SMARCC2: variants seen among roughly 807,000 people sequenced by gnomAD.
SMARCC2 encodes the protein SWI/SNF complex subunit SMARCC2.
A neutral mutation model predicts 151.3 loss-of-function variants in SMARCC2; 15 were observed. The observed-to-expected ratio is 0.10, with a 90% confidence interval of 0.07 to 0.15. The LOEUF (loss-of-function observed/expected upper bound fraction) is 0.15. Ranked by LOEUF, SMARCC2 falls within the 10% of genes least tolerant of loss-of-function variation. The pLI, the probability that SMARCC2 is intolerant of heterozygous loss-of-function variation, is 1.00. For synonymous variants in SMARCC2, 590 were observed against 609.5 expected (o/e 0.97, Z 0.47); for missense variants, 1,031 against 1,599.7 (o/e 0.64, Z 6.06).
rs745447922 is a variant in SMARCC2, at chr12:56,172,444, G to A, written c.1910C>T (p.Thr637Ile). ...SATREWTEQE[T>I]LLLLEALEMY... The stretch of plus-strand genomic sequence containing the variant: ...CCCAATTACCTCCAGGAGAAGCAGG[G>A]TTTCCTGTTCTGTCCACTCACGAGT... Residue 637 changes from threonine (T) to isoleucine (I), a missense_variant, in exon 20 of 29, where the codon ACC (threonine) becomes ATC (isoleucine). By Grantham distance (89) the Thr-to-Ile change is moderately conservative. Around this residue, in one of 12 missense-constraint regions of SMARCC2, gnomAD observed 51 missense variants for 137.9 expected, o/e 0.37. Coordinates refer to ENST00000550164, the MANE Select transcript of SMARCC2 (RefSeq NM_001330288.2). 6.4e-7 allele frequency: 1 copy of A among 1,574,434 alleles called. No homozygotes were observed. The highest frequency in any genetic ancestry group is 8.6e-7 in the Non-Finnish European group (1 of 1,161,924).
chr12:56,167,348 C>CAAATAAAT (rs577110686), intron 26 of SMARCC2, among the ~76,000 whole-genome samples: 3 of 151,894 alleles, frequency 2.0e-5, no homozygotes, highest in South Asian at 4.2e-4. Flanking sequence ...AACTCTGTCT[C>CAAATAAAT]AAATAAATAA....
rs1435716456 is a variant in SMARCC2, at chr12:56,173,685, C to A, written c.1650+11G>T. The A allele has an allele frequency of 2.5e-6, 4 of 1,607,380 alleles. No homozygotes were observed. Among genetic ancestry groups the A allele is most frequent in the Non-Finnish European group, 3.4e-6 (4 of 1,176,150 alleles). Reference sequence around the variant, plus strand: ...CCCAACCCGCCCCATCCCCATAGCACCTCACCCTACCTGAGGTGTCTTGGG... The same window carrying A: ...CCCAACCCGCCCCATCCCCATAGCAACTCACCCTACCTGAGGTGTCTTGGG... On this transcript the variant is annotated intron_variant, in intron 17 of 28. Coordinates refer to ENST00000550164, the MANE Select transcript of SMARCC2 (RefSeq NM_001330288.2).
At chr12:56,187,397 T>A in intron 1 of SMARCC2, 91 bp from the exon 2 acceptor site, 1 of 1,285,810 alleles carries the variant, frequency 7.8e-7, no homozygotes, top group South Asian at 1.3e-5. Context: ...TCTGGAAGCA[T>A]GTGGAGCAAA....
intron 1 of SMARCC2, among the ~76,000 whole-genome samples, chr12:56,188,576 T>G (rs1167630895): frequency 6.6e-6 from 1 of 152,204 alleles, no homozygotes; most frequent in Non-Finnish European, 1.5e-5. Context: ...GAACCTTTTG[T>G]TCACCACCTT....
rs1872138651 is a variant in SMARCC2 at position 56,163,323 on chromosome 12, TCTA to T, written c.*363_*365del. 2.0e-5 allele frequency: 3 copies of T among 150,578 alleles called. No homozygotes were observed. Among genetic ancestry groups the T allele is most frequent in the East Asian group, 1.8e-4 (1 of 5,556 alleles). The allele number at this position is 150,578 out of a possible 1,614,324, so 9.3% of individuals were successfully genotyped here. A position where few individuals can be genotyped will look rare whatever the true frequency, so the allele number is the denominator to read the frequency against. On this transcript the variant is annotated 3_prime_UTR_variant, in exon 29 of 29. Transcript: ENST00000550164. ...GGAGCTCCAATGTGGCTTTTTAAAATCTACTTTTTTTTTTTTTTTTTAATCCAT... is the reference window on the plus strand; with the variant it reads ...GGAGCTCCAATGTGGCTTTTTAAAATCTTTTTTTTTTTTTTTTTAATCCAT...
chr12:56,166,265 C>T (rs1300401351), intron 26 of SMARCC2, among the ~76,000 whole-genome samples: 1 of 152,070 alleles, frequency 6.6e-6, no homozygotes, highest in Non-Finnish European at 1.5e-5. Flanking sequence ...CCTCAGCCTC[C>T]CGAGTAGCTG....
Position 56,165,594 on chromosome 12 carries a change from G to T in SMARCC2, c.2956C>A (p.His986Asn). The T allele has an allele frequency of 6.2e-7, 1 of 1,613,708 alleles. No homozygotes were observed. Among genetic ancestry groups the T allele is most frequent in the African/African-American group, 1.3e-5 (1 of 75,056 alleles). Residue 986 changes from histidine to asparagine, a missense_variant, in exon 27 of 29, where the codon CAC becomes AAC. His to Asn is a moderately conservative substitution (Grantham distance 68). Around this residue, in one of 12 missense-constraint regions of SMARCC2, gnomAD observed 310 missense variants for 350.0 expected, o/e 0.89. Transcript: ENST00000550164. ...GGTGGTGGCTGCTGCTGCTGTTGGT[G>T]CATCTGTTGGAAGTGCTGCTGCCGA... is the stretch of plus-strand genomic sequence containing the variant. ...RARQQHFQQM[H>N]QQQQQPPPAL... is the part of the protein sequence containing the mutation.
chr12:56,165,203 T>G, intron 27 of SMARCC2, 115 bp downstream of exon 27: 1 of 1,297,818 alleles, frequency 7.7e-7, no homozygotes, highest in South Asian at 2.1e-5. Context: ...TGGGCCCATC[T>G]GTAGAAATTG....
chr12:56,162,589 G>GA lies in SMARCC2; in HGVS notation c.*1099dup. 1 of 429,734 alleles carries GA rather than the reference G, an allele frequency of 2.3e-6. No homozygotes were observed. The highest frequency in any genetic ancestry group is 3.9e-5 in the East Asian group (1 of 25,344). The allele number at this position is 429,734 out of a possible 1,614,324, so 26.6% of individuals were successfully genotyped here. A position where few individuals can be genotyped will look rare whatever the true frequency, so the allele number is the denominator to read the frequency against. ...GGAGAAGCTGGGACACGTGGAGCAGGAATGCGGGAAGCAGAGTTGAGCTGC... is the reference window on the plus strand; with the variant it reads ...GGAGAAGCTGGGACACGTGGAGCAGGAAATGCGGGAAGCAGAGTTGAGCTGC... On this transcript the variant is annotated 3_prime_UTR_variant, in exon 29 of 29. Transcript: ENST00000550164.
chr12:56,187,429 A>G, intron 1 of SMARCC2, 123 bp from the exon 2 acceptor site: 2 of 912,174 alleles, frequency 2.2e-6, no homozygotes, highest in East Asian at 5.2e-5. Context: ...CCTTCTCCCC[A>G]TTTAGTCTCT....
chr12:56,162,824 C>A lies in SMARCC2; in HGVS notation c.*865G>T. On this transcript the variant is annotated 3_prime_UTR_variant, in exon 29 of 29. Transcript: ENST00000550164. ...ATTTCAGGTTTTAAAACTTCACATC[C>A]TCTTATAGCTCCCTTCTCTGTGCCT... 6.4e-6 allele frequency: 1 copy of A among 156,556 alleles called. No individual in the cohort carries two copies. The allele number at this position is 156,556 out of a possible 1,614,324, so 9.7% of individuals were successfully genotyped here. A position where few individuals can be genotyped will look rare whatever the true frequency, so the allele number is the denominator to read the frequency against.
In SMARCC2 at chr12:56,178,078, C is replaced by T. The variant is rs1391379952; in HGVS notation, c.1326G>A (p.Glu442=). Residue 442 remains glutamate, a synonymous_variant, in exon 15 of 29, where the codon GAG becomes GAA. Transcript: ENST00000550164. ...WFDYNSVHAI[E]RRALPEFFNG... is the part of the protein sequence containing the mutation. ...TGAAGAACTCGGGGAGAGCCCTCCG[C>T]TCAATGGCATGAACACTGCAAGAAA... 1 of 1,613,494 alleles carries T rather than the reference C, an allele frequency of 6.2e-7. No individual in the cohort carries two copies. Among genetic ancestry groups the T allele is most frequent in the South Asian group, 1.1e-5 (1 of 91,024 alleles).
chr12:56,178,628 G>C, intron 13 of SMARCC2, 94 bp from the exon 14 acceptor site: 1 of 1,563,806 alleles, frequency 6.4e-7, no homozygotes, highest in Non-Finnish European at 8.8e-7. Context: ...GGACACTAAA[G>C]ATGGGTGATG....
chr12:56,165,333 G>A lies in SMARCC2; in HGVS notation c.3217C>T (p.Pro1073Ser), dbSNP rs1872572273. 1.3e-6 allele frequency: 2 copies of A among 1,495,664 alleles called. No individual in the cohort carries two copies. The highest frequency in any genetic ancestry group is 1.4e-5 in the African/African-American group (1 of 70,822). The allele number at this position is 1,495,664 out of a possible 1,614,324, so 92.6% of individuals were successfully genotyped here. The change falls in exon 27 of 29, where the codon CCC becomes TCC. Residue 1073 changes from proline (P) to serine (S), a missense_variant. Coordinates refer to ENST00000550164, the MANE Select transcript of SMARCC2 (RefSeq NM_001330288.2). ...QPGAVPPGVP[P>S]PGPHGPSPFP... ...TAACACTTACCATGGGGTCCAGGGGGGGGAACCCCTGGTGGGACTGCCCCA... is the reference window on the plus strand; with the variant it reads ...TAACACTTACCATGGGGTCCAGGGGAGGGAACCCCTGGTGGGACTGCCCCA...
rs770966583 is a variant in SMARCC2, at chr12:56,174,627, C to A, written c.1496+24G>T. 19 of 1,504,092 alleles carry A rather than the reference C, an allele frequency of 1.3e-5. No homozygotes were observed. In the Middle Eastern group the frequency reaches 7.8e-4, roughly 62 times the overall value. 93.2% of individuals were successfully genotyped at this position (1,504,092 alleles called of 1,614,324 possible). A position where few individuals can be genotyped will look rare whatever the true frequency, so the allele number is the denominator to read the frequency against. On this transcript the variant is annotated intron_variant, in intron 16 of 28. Coordinates refer to ENST00000550164, the MANE Select transcript of SMARCC2 (RefSeq NM_001330288.2). Reference sequence around the variant, plus strand: ...ATAGGCAGGCATCCTCATGTACCCCCTTCCCCTCAGCCACAAGACCCACCT... The same window carrying A: ...ATAGGCAGGCATCCTCATGTACCCCATTCCCCTCAGCCACAAGACCCACCT...
At chr12:56,185,496 T>G (rs1282945087) in intron 3 of SMARCC2, 8 of 226,628 alleles carry the variant, frequency 3.5e-5, no homozygotes, top group African/African-American at 1.7e-4. Context: ...TTTTTTTTCT[T>G]GAGAGGGAGT....
rs1874177176 is a variant in SMARCC2, at chr12:56,172,652, T to C, written c.1796A>G (p.Lys599Arg). Residue 599 changes from lysine to arginine, a missense_variant, in exon 19 of 29, where the codon AAA (lysine) becomes AGA (arginine). Coordinates refer to ENST00000550164, the MANE Select transcript of SMARCC2 (RefSeq NM_001330288.2). ...MLNFPDKGKE[K>R]PTDMQNFGLR... is the part of the protein sequence containing the mutation. ...CCCAAAGTTTTGCATGTCTGTTGGT[T>C]TCTCTTTGCCTTTGTCAGGAAAGTT... 1 of 1,614,232 alleles carries C rather than the reference T, an allele frequency of 6.2e-7. No individual in the cohort carries two copies. Among genetic ancestry groups the C allele is most frequent in the East Asian group, 2.2e-5 (1 of 44,884 alleles).
chr12:56,181,768 A>G lies in SMARCC2; in HGVS notation c.776T>C (p.Val259Ala), dbSNP rs1406650174. The change falls in exon 9 of 29, where the codon GTA (valine) becomes GCA (alanine). Residue 259 changes from valine (V) to alanine (A), a missense_variant. This residue lies in a region of SMARCC2 where 123 missense variants were observed against 190.4 expected (regional missense o/e 0.65). Transcript: ENST00000550164. Reference sequence around the variant, plus strand: ...GGAGACAGGGTTTTTGTCATCATTTACTTCATAGTCTTCCTCATTCATCCA... The same window carrying G: ...GGAGACAGGGTTTTTGTCATCATTTGCTTCATAGTCTTCCTCATTCATCCA... ...NEWMNEEDYE[V>A]NDDKNPVSRR... 6.2e-7 allele frequency: 1 copy of G among 1,614,162 alleles called. No individual in the cohort carries two copies. The highest frequency in any genetic ancestry group is 8.5e-7 in the Non-Finnish European group (1 of 1,180,004).
chr12:56,179,302 C>A lies in SMARCC2; in HGVS notation c.1082-246G>T, dbSNP rs535754044. On this transcript the variant is annotated intron_variant, in intron 11 of 28. Coordinates refer to ENST00000550164, the MANE Select transcript of SMARCC2 (RefSeq NM_001330288.2). ...ATAAATGATTCTTGTCTTTGACAGG[C>A]CTTTATCTCCATCTATGTATCTGTA... 3.6e-4 allele frequency among the ~76,000 whole-genome samples: 55 copies of A among 152,318 alleles called. No homozygotes were observed. In the East Asian group the frequency reaches 4.4e-3, roughly 12 times the overall value.
Sources: gnomAD v4.1 joint callset for allele counts (sites outside exome capture counted in the v4.1 genomes callset) on GRCh38, gnomAD v4.1.1 for gene constraint, gnomAD v4.1.1 regional missense constraint, MANE v1.5 for transcripts, NCBI Gene and HGNC (gene_info 2026-07-23, HGNC 2026-07-21) for gene names.